SCEL: variants seen among roughly 807,000 people sequenced by gnomAD.
The protein encoded by SCEL is sciellin.
A neutral mutation model predicts 117.6 loss-of-function variants in SCEL; 113 were observed. The observed-to-expected ratio is 0.96, with a 90% CI of 0.83 to 1.12. The LOEUF (loss-of-function observed/expected upper bound fraction) is 1.12, where lower values mean the gene tolerates loss of function less well. Ranked by LOEUF, SCEL falls within the 50% of genes most tolerant of loss-of-function variation. The pLI, the probability that SCEL is intolerant of heterozygous loss-of-function variation, is 0.00. For missense variants in SCEL, 785 were observed against 810.8 expected (o/e 0.97, Z 0.39); for synonymous variants, 270 against 256.2 (o/e 1.05, Z -0.51).
At position 77,608,042 on chromosome 13, in the gene SCEL, T is replaced by C; in HGVS notation, c.1158-14T>C. ...CGTGTTGTCAATCTTAACCATTTCT[T>C]CAATGTTTTAAAGGGGCCAGAGCCT... On this transcript the variant is annotated splice_polypyrimidine_tract_variant and intron_variant, in intron 19 of 32. Transcript: ENST00000349847. The C allele has an allele frequency of 3.7e-6, 6 of 1,602,160 alleles. No homozygotes were observed. Among genetic ancestry groups the C allele is most frequent in the Non-Finnish European group, 4.3e-6 (5 of 1,173,960 alleles).
intron 1 of SCEL, among the ~76,000 whole-genome samples, chr13:77,541,176 T>C (rs1037686625): frequency 6.6e-5 from 10 of 152,082 alleles, no homozygotes; most frequent in Non-Finnish European, 1.2e-4. Flanking sequence ...TCCTGACATA[T>C]AAAGAAAATG....
chr13:77,543,313 G>C (rs921646529), intron 1 of SCEL, among the ~76,000 whole-genome samples: 1 of 151,842 alleles, frequency 6.6e-6, no homozygotes, highest in Non-Finnish European at 1.5e-5. Context: ...TCGATCTCCT[G>C]ACCTCGTGAT....
chr13:77,644,502 G>A lies in SCEL; in HGVS notation c.*228G>A. 2.1e-6 allele frequency: 1 copy of A among 484,526 alleles called. No homozygotes were observed. Among genetic ancestry groups the A allele is most frequent in the Non-Finnish European group, 3.7e-6 (1 of 269,854 alleles). The allele number at this position is 484,526 out of a possible 1,614,324, so 30.0% of individuals were successfully genotyped here. A position where few individuals can be genotyped will look rare whatever the true frequency, so the allele number is the denominator to read the frequency against. ...GAGTTAGCAATAAAAAGTTCAAATGGTTCCAGATTCCAGTGTCAAAGGAGT... is the reference window on the plus strand; with the variant it reads ...GAGTTAGCAATAAAAAGTTCAAATGATTCCAGATTCCAGTGTCAAAGGAGT... On this transcript the variant is annotated 3_prime_UTR_variant, in exon 33 of 33. Transcript: ENST00000349847.
At chr13:77,571,901 G>A (rs938482950) in intron 8 of SCEL, among the ~76,000 whole-genome samples, 3 of 152,018 alleles carry the variant, frequency 2.0e-5, no homozygotes, top group African/African-American at 4.8e-5. Context: ...AGATGTCCAC[G>A]TTACTTAGTG....
At chr13:77,643,583 G>C (rs1364379279) in intron 32 of SCEL, among the ~76,000 whole-genome samples, 1 of 152,042 alleles carries the variant, frequency 6.6e-6, no homozygotes, top group Non-Finnish European at 1.5e-5. Context: ...ACTTTTTCCT[G>C]CTGTCTTGTT....
intron 1 of SCEL, among the ~76,000 whole-genome samples, chr13:77,546,128 G>A (rs763896398): frequency 3.9e-5 from 6 of 152,196 alleles, no homozygotes; most frequent in Non-Finnish European, 7.4e-5. Context: ...ACTTCTGGCT[G>A]CAGTGTGTTC....
At chr13:77,584,095 A>G (rs190519336) in intron 9 of SCEL, among the ~76,000 whole-genome samples, 13 of 152,328 alleles carry the variant, frequency 8.5e-5, no homozygotes, top group South Asian at 6.2e-4. Flanking sequence ...GCCAGGGTCA[A>G]CTTACCCAAG....
intron 11 of SCEL, 66 bp downstream of exon 11, chr13:77,591,526 T>TA (rs1319209644): frequency 1.1e-6 from 1 of 912,634 alleles, no homozygotes; most frequent in Non-Finnish European, 1.7e-6. Context: ...CTCAGCACAT[T>TA]AAAAAATGCA....
chr13:77,548,047 C>T (rs762603556), intron 1 of SCEL, among the ~76,000 whole-genome samples: 2 of 152,204 alleles, frequency 1.3e-5, no homozygotes, highest in African/African-American at 2.4e-5. Flanking sequence ...CATATCCCAC[C>T]TCAGTCCTCC....
rs1163429913 is a variant in SCEL, at chr13:77,543,960, A to C, written c.-20+8136A>C. Among the ~76,000 whole-genome samples the C allele has an allele frequency of 2.0e-5, 3 of 152,176 alleles. No individual in the cohort carries two copies. In the East Asian group the frequency reaches 5.8e-4, roughly 29 times the overall value. ...ATCTTGAGACTCCTTCCAGAAAAGA[A>C]ATCTGCCTACATTTCGACCACTGCC... On this transcript the variant is annotated intron_variant, in intron 1 of 32. Coordinates refer to ENST00000349847, the MANE Select transcript of SCEL (RefSeq NM_144777.3).
In SCEL at chr13:77,599,749, GT is replaced by G. The variant is rs1372036080; in HGVS notation, c.917+2del. On this transcript the variant is annotated splice_donor_variant, in intron 15 of 32. Transcript: ENST00000349847. LOFTEE classifies it high-confidence loss of function. Reference sequence around the variant, plus strand: ...CCCGGACAGATAAAGATGGCAAAGGGTAAGATTTTATTAAGACAGACCATTT... The same window carrying G: ...CCCGGACAGATAAAGATGGCAAAGGGAAGATTTTATTAAGACAGACCATTT... 1.2e-6 allele frequency: 2 copies of G among 1,603,638 alleles called. No individual in the cohort carries two copies. Among genetic ancestry groups the G allele is most frequent in the African/African-American group, 2.7e-5 (2 of 74,670 alleles).
intron 8 of SCEL, among the ~76,000 whole-genome samples, chr13:77,570,736 T>C (rs1402239624): frequency 2.0e-5 from 3 of 152,370 alleles, no homozygotes; most frequent in African/African-American, 7.2e-5. Flanking sequence ...AATTATGACC[T>C]AGTGATGTGA....
At chr13:77,641,248 A>G (rs2090544361) in intron 31 of SCEL, among the ~76,000 whole-genome samples, 2 of 152,216 alleles carry the variant, frequency 1.3e-5, no homozygotes, top group South Asian at 2.1e-4. Context: ...GTGGTAATTA[A>G]TTGTGGCTCA....
chr13:77,629,602 G>A (rs186955411), intron 28 of SCEL, among the ~76,000 whole-genome samples: 1 of 152,280 alleles, frequency 6.6e-6, no homozygotes, highest in East Asian at 1.9e-4. Flanking sequence ...GAGCCAAGGG[G>A]AAAGTTCCAC....
chr13:77,637,927 G>A (rs2090383333), intron 30 of SCEL, among the ~76,000 whole-genome samples: 1 of 152,148 alleles, frequency 6.6e-6, no homozygotes, highest in Non-Finnish European at 1.5e-5. Flanking sequence ...GAGCACCTAG[G>A]TGACACTTAT....
Position 77,556,668 on chromosome 13 carries a change from T to C in SCEL, c.116T>C (p.Phe39Ser). The C allele has an allele frequency of 6.2e-7, 1 of 1,614,068 alleles. No individual in the cohort carries two copies. Among genetic ancestry groups the C allele is most frequent in the South Asian group, 1.1e-5 (1 of 91,086 alleles). ...CACGAGGTGAACAAAAGAAGAACTTTCTTACAGGATAACAGTTGGATAAAG... is the reference window on the plus strand; with the variant it reads ...CACGAGGTGAACAAAAGAAGAACTTCCTTACAGGATAACAGTTGGATAAAG... ...DFHEVNKRRT[F>S]LQDNSWIKKR... Residue 39 changes from phenylalanine to serine, a missense_variant, in exon 3 of 33, where the codon TTC (phenylalanine) becomes TCC (serine). Physicochemically the swap from Phe to Ser is radical, Grantham distance 155. Transcript: ENST00000349847.
chr13:77,608,991 A>C (rs1594109479), intron 20 of SCEL, 67 bp from the exon 21 acceptor site: 2 of 1,281,076 alleles, frequency 1.6e-6, no homozygotes, highest in Non-Finnish European at 2.2e-6. Context: ...TGTATCCTTT[A>C]AATCAAAACA....
At position 77,567,755 on chromosome 13, in the gene SCEL, G is replaced by C; in HGVS notation, c.359+7G>C. The C allele has an allele frequency of 1.3e-6, 2 of 1,558,610 alleles. No homozygotes were observed. The highest frequency in any genetic ancestry group is 8.8e-7 in the Non-Finnish European group (1 of 1,139,238). ...ATAACCAACTAACCAATAGGTACCA[G>C]TATCTACTAACTATGGGAAAGGCTC... On this transcript the variant is annotated splice_region_variant and intron_variant, in intron 6 of 32. Coordinates refer to ENST00000349847, the MANE Select transcript of SCEL (RefSeq NM_144777.3).
intron 20 of SCEL, among the ~76,000 whole-genome samples, chr13:77,608,672 C>A (rs1386338001): frequency 1.3e-5 from 2 of 152,004 alleles, no homozygotes; most frequent in African/African-American, 2.4e-5. Context: ...GTATAAAATC[C>A]ATTTTTTAAA....
Sources: gnomAD v4.1 joint callset for allele counts (sites outside exome capture counted in the v4.1 genomes callset) on GRCh38, gnomAD v4.1.1 for gene constraint, MANE v1.5 for transcripts, NCBI Gene and HGNC (gene_info 2026-07-23, HGNC 2026-07-21) for gene names.